The following ZNF385D variants were observed in gnomAD, a reference collection of about 807,000 sequenced individuals.
ZNF385D encodes the protein zinc finger protein 385D, also known as zinc finger protein 659.
Under a neutral mutation model 35.8 loss-of-function variants are expected in ZNF385D, and 15 were observed. The ratio of observed to expected loss-of-function variants is 0.42; its 90% confidence interval spans 0.28 to 0.64. ZNF385D has a LOEUF of 0.64. Ranked by LOEUF, ZNF385D falls within the 30% of genes least tolerant of loss-of-function variation. The pLI is 0.23. For synonymous variants in ZNF385D, 212 were observed against 186.8 expected, an observed-to-expected ratio of 1.13 and a Z score of -1.10; for missense variants, 474 against 494.6, an observed-to-expected ratio of 0.96 and a Z score of 0.39.
intron 3 of ZNF385D, among the ~76,000 whole-genome samples, chr3:21,878,746 T>C (rs1234158291): frequency 1.3e-5 from 2 of 152,088 alleles, no homozygotes; most frequent in African/African-American, 2.4e-5. Context: ...CTATTTTCTA[T>C]TGAGAAGATT....
At chr3:22,191,621 A>C (rs1273944773) in intron 2 of ZNF385D, among the ~76,000 whole-genome samples, 2 of 152,188 alleles carry the variant, frequency 1.3e-5, no homozygotes, top group African/African-American at 4.8e-5. Context: ...GTTCTTACTA[A>C]AGATCTATTG....
At chr3:21,859,443 C>T (rs1345771842) in intron 3 of ZNF385D, among the ~76,000 whole-genome samples, 1 of 151,610 alleles carries the variant, frequency 6.6e-6, no homozygotes, top group Non-Finnish European at 1.5e-5. Context: ...AAGGGAAAAC[C>T]ACACTTGCCC....
intron 3 of ZNF385D, among the ~76,000 whole-genome samples, chr3:21,818,266 A>G (rs994513319): frequency 6.6e-6 from 1 of 152,226 alleles, no homozygotes; most frequent in African/African-American, 2.4e-5. Context: ...CCAACATGGC[A>G]CATGTATACA....
chr3:22,195,491 C>G (rs547074849), intron 2 of ZNF385D, among the ~76,000 whole-genome samples: 1 of 151,960 alleles, frequency 6.6e-6, no homozygotes, highest in Non-Finnish European at 1.5e-5. Flanking sequence ...TATATAAGAA[C>G]ACTTTTTCCT....
rs182464149 is a variant in ZNF385D, at chr3:21,603,214, A to C, written c.166-38530T>G. 1.9e-3 allele frequency among the ~76,000 whole-genome samples: 290 copies of C among 152,384 alleles called. 3 individuals are homozygous for C. Among genetic ancestry groups the C allele is most frequent in the Middle Eastern group, 3.4e-3 (1 of 294 alleles). On this transcript the variant is annotated intron_variant, in intron 2 of 7. Transcript: ENST00000281523. ...AGGTATGTGATTTAACTAGGCTATT[A>C]AAAGGTTGATTAATATCTAGTGTTG... is the stretch of plus-strand genomic sequence containing the variant.
intron 3 of ZNF385D, among the ~76,000 whole-genome samples, chr3:21,852,082 C>T (rs1381728036): frequency 6.6e-6 from 1 of 151,960 alleles, no homozygotes; most frequent in East Asian, 1.9e-4. Flanking sequence ...GGTAGATTCT[C>T]AAAATGTATT....
intron 2 of ZNF385D, among the ~76,000 whole-genome samples, chr3:22,331,196 C>G (rs1694918655): frequency 6.6e-6 from 1 of 152,076 alleles, no homozygotes; most frequent in South Asian, 2.1e-4. Context: ...ATCAGTAATG[C>G]AGGCCATTTA....
chr3:22,000,766 A>T (rs1346286624), intron 3 of ZNF385D, among the ~76,000 whole-genome samples: 1 of 151,758 alleles, frequency 6.6e-6, no homozygotes, highest in East Asian at 1.9e-4. Flanking sequence ...TGAAAGAGGA[A>T]AAAAAAACCC....
intron 3 of ZNF385D, among the ~76,000 whole-genome samples, chr3:22,128,935 G>A (rs945344129): frequency 2.0e-5 from 3 of 152,106 alleles, no homozygotes; most frequent in Non-Finnish European, 4.4e-5. Flanking sequence ...AATATTTGCA[G>A]TCTAGGCTTG....
chr3:21,585,470 G>A (rs1411241803), intron 2 of ZNF385D, among the ~76,000 whole-genome samples: 1 of 152,068 alleles, frequency 6.6e-6, no homozygotes, highest in Non-Finnish European at 1.5e-5. Flanking sequence ...AGATCTTTCT[G>A]GATAACCATT....
At chr3:21,655,876 C>T (rs544896565) in intron 2 of ZNF385D, among the ~76,000 whole-genome samples, 2 of 152,046 alleles carry the variant, frequency 1.3e-5, no homozygotes, top group Non-Finnish European at 2.9e-5. Context: ...ATTTAGATAA[C>T]CTGCAATATG....
chr3:22,128,671 C>G (rs771705284), intron 3 of ZNF385D, among the ~76,000 whole-genome samples: 4 of 152,080 alleles, frequency 2.6e-5, no homozygotes, highest in Non-Finnish European at 5.9e-5. Flanking sequence ...CTGTTGCATT[C>G]TTCAATTTGT....
chr3:22,305,356 T>G (rs573699303), intron 2 of ZNF385D, among the ~76,000 whole-genome samples: 2 of 152,346 alleles, frequency 1.3e-5, no homozygotes, highest in African/African-American at 4.8e-5. Flanking sequence ...CATCCTTGCA[T>G]GAATACTAGA....
Position 22,087,275 on chromosome 3 carries a change from A to G in ZNF385D, c.325+81542T>C, listed in dbSNP as rs1701096515. Reference sequence around the variant, plus strand: ...ATCTATAAAATAGGCATTTGACAGAATGTTAATTGTCTACCCATATCCATT... The same window carrying G: ...ATCTATAAAATAGGCATTTGACAGAGTGTTAATTGTCTACCCATATCCATT... On this transcript the variant is annotated intron_variant, in intron 3 of 5. Coordinates refer to the ZNF385D transcript ENST00000494108. Among the ~76,000 whole-genome samples, 4 of 152,224 alleles carry G rather than the reference A, an allele frequency of 2.6e-5. No homozygotes were observed. In the South Asian group the frequency reaches 8.3e-4, roughly 32 times the overall value.
intron 3 of ZNF385D, among the ~76,000 whole-genome samples, chr3:21,775,851 A>G (rs1425463490): frequency 2.0e-5 from 3 of 151,792 alleles, no homozygotes; most frequent in Non-Finnish European, 4.4e-5. Flanking sequence ...TTTTCCAGTA[A>G]TTATAAAATT....
At chr3:22,235,806 G>A (rs925360813) in intron 2 of ZNF385D, among the ~76,000 whole-genome samples, 1 of 152,038 alleles carries the variant, frequency 6.6e-6, no homozygotes, top group Non-Finnish European at 1.5e-5. Context: ...AGTCTGGGAG[G>A]AGTGCAAATT....
At chr3:21,510,294 G>A (rs948300114) in intron 4 of ZNF385D, among the ~76,000 whole-genome samples, 1 of 152,108 alleles carries the variant, frequency 6.6e-6, no homozygotes, top group African/African-American at 2.4e-5. Context: ...TGAAGCCTCT[G>A]TTAAAAAGAG....
chr3:21,819,193 GA>G (rs1559655012), intron 3 of ZNF385D, among the ~76,000 whole-genome samples: 2 of 151,480 alleles, frequency 1.3e-5, no homozygotes, highest in African/African-American at 4.8e-5. Context: ...AAATAGAAAA[GA>G]AAAAAGAAAC....
intron 2 of ZNF385D, among the ~76,000 whole-genome samples, chr3:21,642,726 G>T (rs892998959): frequency 3.3e-5 from 5 of 152,104 alleles, no homozygotes; most frequent in Non-Finnish European, 5.9e-5. Context: ...CGAACAAAAT[G>T]TGGTTTATAC....
Sources: allele counts gnomAD v4.1 joint callset (sites outside exome capture counted in the v4.1 genomes callset), GRCh38; gene constraint gnomAD v4.1.1; transcripts MANE v1.5; gene names NCBI Gene and HGNC (gene_info 2026-07-23, HGNC 2026-07-21).